TTLL7: variants seen among roughly 807,000 people sequenced by gnomAD.
TTLL7 encodes the protein tubulin tyrosine ligase like 7.
In TTLL7, 53 loss-of-function variants were observed where a neutral mutation model predicts 120.2. The ratio of observed to expected loss-of-function variants is 0.44; its 90% CI spans 0.35 to 0.55. The LOEUF (loss-of-function observed/expected upper bound fraction) is 0.55. Among genes scored for constraint, TTLL7 ranks in the 20% least tolerant of loss-of-function variants. TTLL7 has a pLI of 0.00. For synonymous variants in TTLL7, 353 were observed against 351.7 expected (o/e 1.00, Z -0.04); for missense variants, 803 against 1,054.7 (o/e 0.76, Z 3.31).
intron 7 of TTLL7, among the ~76,000 whole-genome samples, chr1:83,939,861 G>T (rs1005689417): frequency 6.6e-6 from 1 of 152,118 alleles, no homozygotes; most frequent in East Asian, 1.9e-4. Flanking sequence ...AAAATATGTA[G>T]TAAGCTGCCG....
chr1:83,898,077 G>C (rs78518237), intron 18 of TTLL7, among the ~76,000 whole-genome samples: 6,318 of 151,876 alleles, frequency 0.042, 156 homozygotes, highest in Middle Eastern at 0.099. Flanking sequence ...CACTCCACAG[G>C]TGACCTACAT....
chr1:83,983,207 T>C (rs1033749141), intron 1 of TTLL7, among the ~76,000 whole-genome samples: 1 of 152,052 alleles, frequency 6.6e-6, no homozygotes, highest in Non-Finnish European at 1.5e-5. Flanking sequence ...TGGCGCACAC[T>C]GTAGTCCCAG....
rs772691676 is a variant in TTLL7, at chr1:83,907,595, G to A, written c.1853C>T (p.Thr618Ile). The A allele has an allele frequency of 2.5e-6, 4 of 1,613,148 alleles. No individual in the cohort carries two copies. Among genetic ancestry groups the A allele is most frequent in the Non-Finnish European group, 3.4e-6 (4 of 1,179,536 alleles). The change falls in exon 16 of 21, where the codon ACC becomes ATC. Residue 618 changes from threonine (T) to isoleucine (I), a missense_variant. Coordinates refer to ENST00000260505, the MANE Select transcript of TTLL7 (RefSeq NM_024686.6). ...CATTTGTTGAGCAGAAAATGGGCGG[G>A]TGTCCCCACTGGAAGGTGATTGAGC... ...ISAQSPSSGD[T>I]RPFSAQQMIS... is the part of the protein sequence containing the mutation.
Position 83,887,219 on chromosome 1 carries a change from C to T in TTLL7, c.2369+3102G>A, listed in dbSNP as rs1407454444. On this transcript the variant is annotated intron_variant, in intron 19 of 20. Transcript: ENST00000260505. ...AATGTTGACAGGCAAAGGCAAGAAT[C>T]AAGGCCTTGGATTCTTGGATATAAT... 3 of 1,176,922 alleles carry T rather than the reference C, an allele frequency of 2.5e-6. No individual in the cohort carries two copies. In the South Asian group the frequency reaches 4.9e-5, roughly 19 times the overall value. 72.9% of individuals were successfully genotyped at this position (1,176,922 alleles called of 1,614,324 possible).
chr1:83,937,840 G>T lies in TTLL7; in HGVS notation c.888+12C>A. ...GAAAGACTGTTATAATTGTGGAATG[G>T]CATAATCTTACTGAAATATCACTCC... On this transcript the variant is annotated intron_variant, in intron 8 of 20. Coordinates refer to ENST00000260505, the MANE Select transcript of TTLL7 (RefSeq NM_024686.6). 6.2e-7 allele frequency: 1 copy of T among 1,613,014 alleles called. No individual in the cohort carries two copies. Among genetic ancestry groups the T allele is most frequent in the Non-Finnish European group, 8.5e-7 (1 of 1,179,156 alleles).
intron 13 of TTLL7, among the ~76,000 whole-genome samples, chr1:83,919,203 G>T (rs1658436874): frequency 6.6e-6 from 1 of 151,650 alleles, no homozygotes; most frequent in Non-Finnish European, 1.5e-5. Flanking sequence ...AAATGAAGTG[G>T]TTTGTTATGC....
chr1:83,989,338 T>G (rs897962125), intron 1 of TTLL7, among the ~76,000 whole-genome samples: 2 of 152,160 alleles, frequency 1.3e-5, no homozygotes, highest in Non-Finnish European at 2.9e-5. Context: ...AAACAGCTAG[T>G]TTTTCTACAC....
intron 14 of TTLL7, chr1:83,913,031 T>G (rs1053008366): frequency 1.3e-5 from 2 of 152,102 alleles, no homozygotes; most frequent in Non-Finnish European, 2.9e-5. Context: ...ACATAATGAG[T>G]TATTCGACCC....
intron 1 of TTLL7, among the ~76,000 whole-genome samples, chr1:83,996,239 A>C (rs960527176): frequency 2.6e-5 from 4 of 152,162 alleles, no homozygotes; most frequent in African/African-American, 9.7e-5. Flanking sequence ...CTTGCACAGA[A>C]AACTTTTTCT....
rs772194748 is a variant in TTLL7, at chr1:83,951,929, G to C, written c.73C>G (p.Gln25Glu). Residue 25 changes from glutamine (Q) to glutamate (E), a missense_variant, in exon 3 of 21, where the codon CAA becomes GAA. Transcript: ENST00000260505. ...CTGACTTTCCTTTTCATTGTGCTTTGATAAGGTAATTCTGTATTCAAATCC... is the reference window on the plus strand; with the variant it reads ...CTGACTTTCCTTTTCATTGTGCTTTCATAAGGTAATTCTGTATTCAAATCC... ...PLDLNTELPYQSTMKRKVRKK... is the reference protein window; with the variant it reads ...PLDLNTELPYESTMKRKVRKK... 1 of 1,612,762 alleles carries C rather than the reference G, an allele frequency of 6.2e-7. No homozygotes were observed. The highest frequency in any genetic ancestry group is 8.5e-7 in the Non-Finnish European group (1 of 1,179,484).
In TTLL7 at chr1:83,906,450, C is replaced by G. The variant is rs140550431; in HGVS notation, c.2006G>C (p.Arg669Pro). The change falls in exon 17 of 21, where the codon CGG becomes CCG. Residue 669 changes from arginine to proline, a missense_variant. Transcript: ENST00000260505. ...TTCTTGTTCTTTTGTTTTCAGTTGC[C>G]GCAAAGACTCACTCTTAAATTTGAA... ...STNSQVSESLRQLKTKEQEDD... is the reference protein window; with the variant it reads ...STNSQVSESLPQLKTKEQEDD... 1 of 1,611,704 alleles carries G rather than the reference C, an allele frequency of 6.2e-7. No individual in the cohort carries two copies.
chr1:83,941,783 G>A (rs535399316), intron 7 of TTLL7, among the ~76,000 whole-genome samples: 1 of 152,192 alleles, frequency 6.6e-6, no homozygotes, highest in East Asian at 1.9e-4. Flanking sequence ...ATAAATTATA[G>A]CTAGAACTTT....
chr1:83,977,191 G>C (rs1450907016), intron 1 of TTLL7, among the ~76,000 whole-genome samples: 2 of 151,866 alleles, frequency 1.3e-5, no homozygotes, highest in Admixed American at 6.6e-5. Flanking sequence ...GTAAATACTA[G>C]TCAGTATGTA....
At chr1:83,933,011 T>A (rs1334509294) in intron 9 of TTLL7, among the ~76,000 whole-genome samples, 1 of 152,182 alleles carries the variant, frequency 6.6e-6, no homozygotes, top group African/African-American at 2.4e-5. Context: ...ATGTGTTACA[T>A]GACCTTTTAT....
intron 20 of TTLL7, among the ~76,000 whole-genome samples, chr1:83,876,635 C>T (rs1414915514): frequency 6.6e-6 from 1 of 151,864 alleles, no homozygotes; most frequent in Admixed American, 6.6e-5. Flanking sequence ...AGGTCATATA[C>T]ATTTCTTGCG....
At chr1:83,982,851 C>A (rs1199123368) in intron 1 of TTLL7, among the ~76,000 whole-genome samples, 1 of 152,112 alleles carries the variant, frequency 6.6e-6, no homozygotes, top group African/African-American at 2.4e-5. Flanking sequence ...CCCAAACAAT[C>A]CTAAGCAAAA....
intron 1 of TTLL7, among the ~76,000 whole-genome samples, chr1:83,971,466 C>A (rs2100570899): frequency 6.6e-6 from 1 of 152,166 alleles, no homozygotes; most frequent in East Asian, 1.9e-4. Context: ...ATCTGTTGTA[C>A]TTGCATAGTA....
rs796525599 is a variant in TTLL7 at position 83,892,930 on chromosome 1, G to GAAAGAAAGA, written c.2209-2458_2209-2450dup. On this transcript the variant is annotated intron_variant, in intron 18 of 20. Coordinates refer to ENST00000260505, the MANE Select transcript of TTLL7 (RefSeq NM_024686.6). ...GAAAAAGAAAAAAGAAAGAAAAAGA[G>GAAAGAAAGA]AAAGAAAGAAAGAAAGAAAGAAAAG... is the stretch of plus-strand genomic sequence containing the variant. Among the ~76,000 whole-genome samples, 325 of 94,910 alleles carry GAAAGAAAGA rather than the reference G, an allele frequency of 3.4e-3. 10 individuals are homozygous for GAAAGAAAGA. Among genetic ancestry groups the GAAAGAAAGA allele is most frequent in the South Asian group, 0.01 (29 of 2,762 alleles). 62.3% of individuals were successfully genotyped at this position (94,910 alleles called of 152,430 possible).
chr1:83,929,283 AT>A, intron 9 of TTLL7, 53 bp from the exon 10 acceptor site: 2 of 1,370,902 alleles, frequency 1.5e-6, no homozygotes, highest in South Asian at 2.4e-5. Context: ...TTCAATACAT[AT>A]TTGTTAATCC....
Sources: gnomAD v4.1 joint callset for allele counts (sites outside exome capture counted in the v4.1 genomes callset) on GRCh38, gnomAD v4.1.1 for gene constraint, MANE v1.5 for transcripts, NCBI Gene and HGNC (gene_info 2026-07-23, HGNC 2026-07-21) for gene names.